APBB2: variants seen among roughly 807,000 people sequenced by gnomAD.
APBB2 encodes Fe65-like 1.
In APBB2, 38 loss-of-function variants were observed where a neutral mutation model predicts 82.5. That is an observed-to-expected ratio of 0.46 (90% CI 0.36 to 0.60). APBB2 has a LOEUF of 0.60. Ranked by LOEUF, APBB2 falls within the 20% of genes least tolerant of loss-of-function variation. The pLI, the probability that APBB2 is intolerant of heterozygous loss-of-function variation, is 0.00. For synonymous variants in APBB2, 341 were observed against 368.2 expected, an observed-to-expected ratio of 0.93 and a Z score of 0.85; for missense variants, 772 against 972.3, an observed-to-expected ratio of 0.79 and a Z score of 2.74.
In APBB2 at chr4:41,122,338, T is replaced by G. The variant is rs564976830; in HGVS notation, c.-261+20649A>C. 4.3e-4 allele frequency among the ~76,000 whole-genome samples: 66 copies of G among 152,300 alleles called. 1 individual carries two copies. The East Asian group carries it at 0.011, about 26-fold the overall frequency. Reference sequence around the variant, plus strand: ...GTTTTCCTCCACAATAGAAGCTGACTTTTTTTGAAAATTTTTTATATAATT... The same window carrying G: ...GTTTTCCTCCACAATAGAAGCTGACGTTTTTTGAAAATTTTTTATATAATT... On this transcript the variant is annotated intron_variant, in intron 2 of 17. Coordinates refer to ENST00000508593, the MANE Select transcript of APBB2 (RefSeq NM_004307.2).
At chr4:40,846,205 A>G (rs2154318797) in intron 12 of APBB2, among the ~76,000 whole-genome samples, 1 of 151,884 alleles carries the variant, frequency 6.6e-6, no homozygotes, top group East Asian at 1.9e-4. Context: ...TGGCGGCTTG[A>G]GTATGGCCTT....
chr4:41,006,813 A>G (rs1442611447), intron 6 of APBB2, among the ~76,000 whole-genome samples: 1 of 152,234 alleles, frequency 6.6e-6, no homozygotes, highest in Non-Finnish European at 1.5e-5. Flanking sequence ...ATTTACAGTT[A>G]AAATTAACCA....
chr4:40,995,849 T>A (rs1377189096), intron 6 of APBB2, among the ~76,000 whole-genome samples: 1 of 152,150 alleles, frequency 6.6e-6, no homozygotes, highest in East Asian at 1.9e-4. Context: ...AACATTTTTT[T>A]AACAGAAACA....
In APBB2 at chr4:41,141,726, G is replaced by GAGCT. The variant is rs1260831273; in HGVS notation, c.-261+1257_-261+1260dup. Among the ~76,000 whole-genome samples the GAGCT allele has an allele frequency of 1.2e-4, 18 of 152,324 alleles. No individual in the cohort carries two copies. In the South Asian group the frequency reaches 3.7e-3, roughly 32 times the overall value. On this transcript the variant is annotated intron_variant, in intron 2 of 17. Coordinates refer to ENST00000508593, the MANE Select transcript of APBB2 (RefSeq NM_004307.2). ...CACAATCATGGTGGAAGGCAAGGAG[G>GAGCT]AGCTAGTCATGTCTTGCATGGATGC... is the stretch of plus-strand genomic sequence containing the variant.
intron 6 of APBB2, among the ~76,000 whole-genome samples, chr4:40,982,285 G>GAAA (rs1560446451): frequency 1.7e-4 from 2 of 11,498 alleles, no homozygotes; most frequent in African/African-American, 4.7e-4. Context: ...AAAGAAAGAA[G>GAAA]GAAGGAAGGA....
chr4:41,017,857 G>A (rs956539987), intron 5 of APBB2, among the ~76,000 whole-genome samples: 1 of 152,046 alleles, frequency 6.6e-6, no homozygotes, highest in Non-Finnish European at 1.5e-5. Context: ...TACATTCCTC[G>A]GGTTTAAGAG....
chr4:41,084,086 C>G (rs534827713), intron 3 of APBB2, among the ~76,000 whole-genome samples: 1 of 152,088 alleles, frequency 6.6e-6, no homozygotes, highest in Non-Finnish European at 1.5e-5. Flanking sequence ...TTAATAGTGA[C>G]TAGATAACAA....
rs1266927186 is a variant in APBB2 at position 40,812,723 on chromosome 4, C to T, written c.*3369G>A. On this transcript the variant is annotated 3_prime_UTR_variant, in exon 18 of 18. Transcript: ENST00000508593. The stretch of plus-strand genomic sequence containing the variant: ...AATGGCCTTGTGTCGAGTCATCTTA[C>T]AAGTGTCCATCTTGAAATCATAAAG... The T allele has an allele frequency of 2.6e-5, 4 of 152,176 alleles. No individual in the cohort carries two copies. In the East Asian group the frequency reaches 7.7e-4, roughly 29 times the overall value. 9.4% of individuals were successfully genotyped at this position (152,176 alleles called of 1,614,324 possible).
intron 6 of APBB2, among the ~76,000 whole-genome samples, chr4:40,986,184 A>G (rs975467496): frequency 7.9e-5 from 12 of 152,210 alleles, no homozygotes; most frequent in African/African-American, 2.9e-4. Flanking sequence ...CTGCCAGTCT[A>G]ATAAAATAGT....
At chr4:41,166,019 G>A (rs1001204747) in intron 1 of APBB2, among the ~76,000 whole-genome samples, 54 of 151,722 alleles carry the variant, frequency 3.6e-4, no homozygotes, top group African/African-American at 1.2e-3. Flanking sequence ...GACTACAGGC[G>A]CCCGCCACCA....
At chr4:41,131,620 G>C (rs572307739) in intron 2 of APBB2, among the ~76,000 whole-genome samples, 1 of 152,168 alleles carries the variant, frequency 6.6e-6, no homozygotes, top group Non-Finnish European at 1.5e-5. Flanking sequence ...AAGTTATAAA[G>C]AGAAGGAGAT....
At chr4:40,932,338 A>G (rs1474273205) in intron 10 of APBB2, among the ~76,000 whole-genome samples, 2 of 152,226 alleles carry the variant, frequency 1.3e-5, no homozygotes, top group African/African-American at 4.8e-5. Flanking sequence ...AAGCAGCCCA[A>G]GGACTTGTTC....
rs745927729 is a variant in APBB2 at position 40,830,105 on chromosome 4, C to T, written c.1644+358G>A. Among the ~76,000 whole-genome samples the T allele has an allele frequency of 3.3e-5, 5 of 152,036 alleles. No homozygotes were observed. The South Asian group carries it at 6.2e-4, about 19-fold the overall frequency. ...CTGAGATATATACATTTCTAGGCTGCGGGAGGGACTATGGTTCTATTCATT... is the reference window on the plus strand; with the variant it reads ...CTGAGATATATACATTTCTAGGCTGTGGGAGGGACTATGGTTCTATTCATT... On this transcript the variant is annotated intron_variant, in intron 13 of 17. Transcript: ENST00000508593.
At chr4:40,974,991 C>T (rs1796801419) in intron 6 of APBB2, among the ~76,000 whole-genome samples, 1 of 152,210 alleles carries the variant, frequency 6.6e-6, no homozygotes, top group Non-Finnish European at 1.5e-5. Context: ...CTAACTGCTA[C>T]AACAAGAGAC....
At chr4:41,020,368 C>A (rs562384198) in intron 5 of APBB2, among the ~76,000 whole-genome samples, 1 of 152,244 alleles carries the variant, frequency 6.6e-6, no homozygotes, top group South Asian at 2.1e-4. Flanking sequence ...ATGGTTCCTC[C>A]CAGGTGATTA....
At chr4:41,111,801 A>T (rs918231189) in intron 2 of APBB2, among the ~76,000 whole-genome samples, 5 of 152,248 alleles carry the variant, frequency 3.3e-5, no homozygotes, top group Non-Finnish European at 7.3e-5. Context: ...TTCTCATTTT[A>T]ACATGCAAAT....
chr4:40,825,471 C>T (rs1299057299), intron 15 of APBB2, among the ~76,000 whole-genome samples: 5 of 152,234 alleles, frequency 3.3e-5, no homozygotes, highest in Non-Finnish European at 5.9e-5. Flanking sequence ...GTGTGTGCCA[C>T]TACTGTGTCA....
intron 10 of APBB2, among the ~76,000 whole-genome samples, chr4:40,917,802 T>G (rs1780211556): frequency 6.6e-6 from 1 of 152,172 alleles, no homozygotes; most frequent in Admixed American, 6.5e-5. Flanking sequence ...GGTGAACTTC[T>G]TAAGAAAAAG....
chr4:40,935,185 A>G, intron 7 of APBB2, 46 bp from the exon 8 acceptor site: 1 of 1,281,876 alleles, frequency 7.8e-7, no homozygotes, highest in Non-Finnish European at 1.0e-6. Flanking sequence ...ATTGATTTAA[A>G]GAAAAAGAAA....
Sources: gnomAD v4.1 joint callset for allele counts (sites outside exome capture counted in the v4.1 genomes callset) on GRCh38, gnomAD v4.1.1 for gene constraint, MANE v1.5 for transcripts, NCBI Gene and HGNC (gene_info 2026-07-23, HGNC 2026-07-21) for gene names.